Variants in WASHC2C observed in about 807,000 individuals in gnomAD.
WASHC2C encodes the protein WASH complex subunit 2C, also known as Vaccinia Penetration Factor.
WASHC2C carries 73 observed loss-of-function variants against 142.2 expected under a neutral mutation model. That is an observed-to-expected ratio of 0.51 (90% CI 0.43 to 0.62). WASHC2C has a LOEUF of 0.62. Among genes scored for constraint, WASHC2C ranks in the 20% least tolerant of loss-of-function variants. The pLI, the probability that WASHC2C is intolerant of heterozygous loss-of-function variation, is 0.00. For synonymous variants in WASHC2C, 337 were observed against 565.5 expected (o/e 0.60, Z 5.73); for missense variants, 969 against 1,531.7 (o/e 0.63, Z 6.13).
intron 14 of WASHC2C, 100 bp downstream of exon 14, chr10:45,754,645 C>A (rs1270992787): frequency 1.9e-5 from 22 of 1,165,452 alleles, no homozygotes; most frequent in Middle Eastern, 5.9e-4. Context: ...TGAGGAAGTA[C>A]CTGGGAGCTT....
intron 16 of WASHC2C, 80 bp downstream of exon 16, chr10:45,757,219 C>T: frequency 1.9e-6 from 3 of 1,601,348 alleles, no homozygotes; most frequent in Non-Finnish European, 2.6e-6. Context: ...GAGGGAAGTA[C>T]TGTTCCCTTT....
chr10:45,752,691 T>C lies in WASHC2C; in HGVS notation c.1107T>C (p.Asp369=), dbSNP rs2053755504. The C allele has an allele frequency of 1.2e-6, 2 of 1,610,036 alleles. No homozygotes were observed. The highest frequency in any genetic ancestry group is 2.2e-5 in the East Asian group (1 of 44,754). ...GLFSGGKGLF[D]DEDEESDLFT... The stretch of plus-strand genomic sequence containing the variant: ...TCAGTGGCGGCAAGGGGCTATTTGA[T>C]GATGAGGACGAGGAGGTGAGTCCAT... The change falls in exon 12 of 31, where the codon GAT becomes GAC. Residue 369 remains aspartate (D), a synonymous_variant. Transcript: ENST00000623400.
chr10:45,765,139 C>T (rs2055633580), intron 18 of WASHC2C, among the ~76,000 whole-genome samples: 1 of 150,052 alleles, frequency 6.7e-6, no homozygotes, highest in East Asian at 2.0e-4. Context: ...TAAGCTATTT[C>T]TCCACTTTGT....
intron 18 of WASHC2C, 37 bp from the exon 19 acceptor site, chr10:45,765,642 T>G (rs549445119): frequency 3.1e-6 from 5 of 1,610,402 alleles, no homozygotes; most frequent in East Asian, 2.2e-5. Context: ...TTTCTGATTA[T>G]AAAGTTGTCT....
chr10:45,728,088 G>A (rs904333661), intron 2 of WASHC2C, among the ~76,000 whole-genome samples: 5 of 152,186 alleles, frequency 3.3e-5, no homozygotes, highest in African/African-American at 1.2e-4. Context: ...GAGTGCAAGT[G>A]GCTCGATCTT....
At chr10:45,761,608 C>T (rs1305252461) in intron 17 of WASHC2C, among the ~76,000 whole-genome samples, 2 of 152,134 alleles carry the variant, frequency 1.3e-5, no homozygotes, top group African/African-American at 4.8e-5. Context: ...GCTTTGGACC[C>T]AAAGGAATGC....
rs782058230 is a variant in WASHC2C at position 45,777,366 on chromosome 10, G to A, written c.2236G>A (p.Val746Ile). The A allele has an allele frequency of 6.2e-6, 10 of 1,609,834 alleles. No individual in the cohort carries two copies. In the South Asian group the frequency reaches 1.1e-4, roughly 18 times the overall value. Residue 746 changes from valine to isoleucine, a missense_variant, in exon 22 of 31, where the codon GTT becomes ATT. Physicochemically the swap from Val to Ile is conservative, Grantham distance 29 (BLOSUM62 3). Transcript: ENST00000623400. ...TGGAGTGAAGTCTGTGGATAAGAAG[G>A]TTGAGAGTGCCAAGGAGTCATTAAA... ...QLGVKSVDKKVESAKESLKFG... is the reference protein window; with the variant it reads ...QLGVKSVDKKIESAKESLKFG...
intron 3 of WASHC2C, among the ~76,000 whole-genome samples, chr10:45,736,001 G>C (rs1162765035): frequency 2.0e-5 from 3 of 151,980 alleles, no homozygotes; most frequent in Non-Finnish European, 4.4e-5. Flanking sequence ...AGGCACAATG[G>C]CTCACACCTG....
chr10:45,753,376 G>A, intron 13 of WASHC2C, 139 bp downstream of exon 13: 2 of 884,080 alleles, frequency 2.3e-6, no homozygotes, highest in Non-Finnish European at 3.4e-6. Flanking sequence ...CGGTCCAGTT[G>A]AAAGTAATTC....
intron 16 of WASHC2C, among the ~76,000 whole-genome samples, chr10:45,758,855 T>G (rs1379312654): frequency 6.7e-6 from 1 of 149,714 alleles, no homozygotes; most frequent in African/African-American, 2.5e-5. Flanking sequence ...ATTTGGCCAG[T>G]GTGTGTGTCC....
At chr10:45,738,116 T>C (rs192053459) in intron 4 of WASHC2C, 71 bp downstream of exon 4, 6 of 1,611,136 alleles carry the variant, frequency 3.7e-6, no homozygotes, top group Non-Finnish European at 4.2e-6. Context: ...ATGTGTTATG[T>C]GGGAACTGGG....
At chr10:45,741,273 A>G (rs1371182438) in intron 5 of WASHC2C, among the ~76,000 whole-genome samples, 1 of 152,146 alleles carries the variant, frequency 6.6e-6, no homozygotes, top group African/African-American at 2.4e-5. Flanking sequence ...GTCATTCTGT[A>G]GCTGCACATT....
chr10:45,762,930 A>C (rs1169716899), intron 17 of WASHC2C, among the ~76,000 whole-genome samples: 1 of 152,238 alleles, frequency 6.6e-6, no homozygotes, highest in Non-Finnish European at 1.5e-5. Flanking sequence ...GAAGTAAGTC[A>C]TAATCTTAGG....
chr10:45,784,032 T>G (rs1202867385), intron 23 of WASHC2C, among the ~76,000 whole-genome samples: 3 of 151,974 alleles, frequency 2.0e-5, no homozygotes, highest in Admixed American at 2.0e-4. Flanking sequence ...TCTGTGTAGT[T>G]TGTGCTTGAG....
chr10:45,746,486 GC>G, intron 7 of WASHC2C, 113 bp from the exon 8 acceptor site: 2 of 1,259,634 alleles, frequency 1.6e-6, no homozygotes, highest in Admixed American at 3.4e-5. Context: ...GAGTGTCAGA[GC>G]TTTTTCTCCA....
rs1347045210 is a variant in WASHC2C, at chr10:45,727,309, G to C, written c.-9G>C. 1.3e-6 allele frequency: 2 copies of C among 1,570,906 alleles called. No individual in the cohort carries two copies. Among genetic ancestry groups the C allele is most frequent in the Non-Finnish European group, 1.7e-6 (2 of 1,159,416 alleles). Reference sequence around the variant, plus strand: ...GCAGCCTCGGAGCCCACCGAGCCGGGCGGCTGGGATGGTGAGGGCGGCGGG... The same window carrying C: ...GCAGCCTCGGAGCCCACCGAGCCGGCCGGCTGGGATGGTGAGGGCGGCGGG... On this transcript the variant is annotated 5_prime_UTR_variant, in exon 1 of 31. Coordinates refer to ENST00000623400, the MANE Select transcript of WASHC2C (RefSeq NM_001330074.2).
At chr10:45,752,128 A>G (rs2134654146) in intron 11 of WASHC2C, among the ~76,000 whole-genome samples, 1 of 152,290 alleles carries the variant, frequency 6.6e-6, no homozygotes, top group Admixed American at 6.5e-5. Context: ...GAAACTTAGG[A>G]ATCTCAAGCA....
chr10:45,788,838 G>A (rs1453077139), intron 28 of WASHC2C, 33 bp from the exon 29 acceptor site: 55 of 1,611,868 alleles, frequency 3.4e-5, no homozygotes, highest in African/African-American at 1.7e-4. Flanking sequence ...TTATTTTATC[G>A]TCAGATCAAT....
chr10:45,789,187 T>G lies in WASHC2C; in HGVS notation c.3404T>G (p.Ile1135Ser), dbSNP rs1247100417. 2 of 1,612,004 alleles carry G rather than the reference T, an allele frequency of 1.2e-6. No individual in the cohort carries two copies. The highest frequency in any genetic ancestry group is 4.5e-5 in the East Asian group (2 of 44,888). The change falls in exon 29 of 31, where the codon ATT (isoleucine) becomes AGT (serine). Residue 1135 changes from isoleucine (I) to serine (S), a missense_variant. Transcript: ENST00000623400. ...GEADLFDSGD[I>S]FSTGTGSQSV... Reference sequence around the variant, plus strand: ...GCTGACCTTTTTGATTCTGGGGACATTTTTTCCACGGGCACTGGATCTCAG... The same window carrying G: ...GCTGACCTTTTTGATTCTGGGGACAGTTTTTCCACGGGCACTGGATCTCAG...
Sources: allele counts gnomAD v4.1 joint callset (sites outside exome capture counted in the v4.1 genomes callset), GRCh38; gene constraint gnomAD v4.1.1; transcripts MANE v1.5; gene names NCBI Gene and HGNC (gene_info 2026-07-23, HGNC 2026-07-21).